The following EXD2 variants were observed in gnomAD, a reference collection of about 807,000 sequenced individuals.
EXD2 encodes the protein exonuclease 3'-5' domain containing 2.
Under a neutral mutation model 62.5 loss-of-function variants are expected in EXD2, and 40 were observed. That is an observed-to-expected ratio of 0.64 (90% confidence interval 0.50 to 0.83). EXD2 has a LOEUF of 0.83. EXD2 is among the 40% of genes least tolerant of loss of function. The pLI is 0.00. For synonymous variants in EXD2, 239 were observed against 291.9 expected, an observed-to-expected ratio of 0.82 and a Z score of 1.85; for missense variants, 671 against 761.8, an observed-to-expected ratio of 0.88 and a Z score of 1.40.
rs1381878841 is a variant in EXD2 at position 69,241,141 on chromosome 14, G to T, written c.*41G>T. 1 of 1,577,216 alleles carries T rather than the reference G, an allele frequency of 6.3e-7. No homozygotes were observed. The highest frequency in any genetic ancestry group is 8.7e-7 in the Non-Finnish European group (1 of 1,155,302). On this transcript the variant is annotated 3_prime_UTR_variant, in exon 10 of 10. Coordinates refer to ENST00000685843, the MANE Select transcript of EXD2 (RefSeq NM_001193360.2). ...CAGTTAGGACAAGTGGGAAGCTGGAGCCAAGGTTGAAGAGTCACCTCTTCC... is the reference window on the plus strand; with the variant it reads ...CAGTTAGGACAAGTGGGAAGCTGGATCCAAGGTTGAAGAGTCACCTCTTCC...
In EXD2 at chr14:69,209,505, C is replaced by T. The variant is rs1158280327; in HGVS notation, c.35C>T (p.Thr12Ile). The T allele has an allele frequency of 1.3e-6, 2 of 1,547,626 alleles. No homozygotes were observed. The highest frequency in any genetic ancestry group is 2.7e-5 in the African/African-American group (2 of 73,054). ...CAGAACTTAGTGGCTTTGACAGTGA[C>T]TACCCTTCTGGGTGTGGCTGTAGGG... ...SRQNLVALTV[T>I]TLLGVAVGGF... The change falls in exon 3 of 10, where the codon ACT (threonine) becomes ATT (isoleucine). Residue 12 changes from threonine to isoleucine, a missense_variant. Physicochemically the swap from Thr to Ile is moderately conservative, Grantham distance 89. Transcript: ENST00000685843.
chr14:69,224,973 CA>C (rs935037310), intron 3 of EXD2, among the ~76,000 whole-genome samples: 1 of 151,012 alleles, frequency 6.6e-6, no homozygotes, highest in Non-Finnish European at 1.5e-5. Flanking sequence ...GACTCCGTCT[CA>C]AAAAAAAAGA....
intron 1 of EXD2, among the ~76,000 whole-genome samples, chr14:69,198,282 T>G (rs749135218): frequency 6.6e-6 from 1 of 152,246 alleles, no homozygotes; most frequent in African/African-American, 2.4e-5. Context: ...TTGTTGTTTT[T>G]CCAGGTGGTT....
chr14:69,231,217 T>A (rs555418553), intron 5 of EXD2, among the ~76,000 whole-genome samples: 1 of 152,208 alleles, frequency 6.6e-6, no homozygotes, highest in Non-Finnish European at 1.5e-5. Context: ...AGTAAGTAGT[T>A]CCCTGCATTA....
intron 8 of EXD2, 75 bp from the exon 9 acceptor site, chr14:69,237,500 G>A: frequency 7.8e-6 from 11 of 1,402,002 alleles, no homozygotes; most frequent in Non-Finnish European, 1.1e-5. Flanking sequence ...TAGAACCCCA[G>A]TAGCCTGTCT....
chr14:69,223,833 T>C (rs1327495651), intron 3 of EXD2, among the ~76,000 whole-genome samples: 1 of 152,206 alleles, frequency 6.6e-6, no homozygotes, highest in Non-Finnish European at 1.5e-5. Flanking sequence ...AGACCCAGTG[T>C]ATTAGTCCAT....
chr14:69,229,554 C>T (rs1366970624), intron 4 of EXD2, among the ~76,000 whole-genome samples: 3 of 152,144 alleles, frequency 2.0e-5, no homozygotes, highest in African/African-American at 7.2e-5. Context: ...CCAGAGTCCC[C>T]ACCACTCCCA....
rs71102635 is a variant in EXD2 at position 69,212,699 on chromosome 14, A to ATTTTTT, written c.333+2917_333+2922dup. ...TGTCACTTGGTTCCAATGGTTCTTG[A>ATTTTTT]TTTTTTTTTTTTTTTTTTTTTTTTT... On this transcript the variant is annotated intron_variant, in intron 3 of 9. Coordinates refer to ENST00000685843, the MANE Select transcript of EXD2 (RefSeq NM_001193360.2). Among the ~76,000 whole-genome samples the ATTTTTT allele has an allele frequency of 8.4e-4, 48 of 57,310 alleles. 2 individuals carry two copies. Among genetic ancestry groups the ATTTTTT allele is most frequent in the Middle Eastern group, 0.01 (1 of 96 alleles). The allele number at this position is 57,310 out of a possible 152,430, so 37.6% of individuals were successfully genotyped here.
rs746653694 is a variant in EXD2, at chr14:69,213,537, A to ATTTTTTTTTT, written c.333+3745_333+3754dup. ...AGGCATGTGCCACTGCACCTGGATA[A>ATTTTTTTTTT]TTTTTTTTTTTTTTTTTTTTGTAGA... On this transcript the variant is annotated intron_variant, in intron 3 of 9. Coordinates refer to ENST00000685843, the MANE Select transcript of EXD2 (RefSeq NM_001193360.2). Among the ~76,000 whole-genome samples, 402 of 76,396 alleles carry ATTTTTTTTTT rather than the reference A, an allele frequency of 5.3e-3. 11 individuals carry two copies. The highest frequency in any genetic ancestry group is 0.017 in the East Asian group (30 of 1,808). The allele number at this position is 76,396 out of a possible 152,430, so 50.1% of individuals were successfully genotyped here. A position where few individuals can be genotyped will look rare whatever the true frequency, so the allele number is the denominator to read the frequency against.
chr14:69,240,506 G>C (rs2043945340), intron 9 of EXD2, among the ~76,000 whole-genome samples: 1 of 152,158 alleles, frequency 6.6e-6, no homozygotes, highest in Non-Finnish European at 1.5e-5. Flanking sequence ...TATAAATACT[G>C]TGTCCCAGAA....
At position 69,210,019 on chromosome 14, in the gene EXD2, A is replaced by G. The variant is rs562534959; in HGVS notation, c.333+216A>G. 4.4e-5 allele frequency: 18 copies of G among 407,696 alleles called. No homozygotes were observed. In the South Asian group the frequency reaches 9.8e-4, roughly 22 times the overall value. The allele number at this position is 407,696 out of a possible 1,614,324, so 25.3% of individuals were successfully genotyped here. ...TATGGATTACAATTATGTCAAACCT[A>G]TATGAATTGTATTTTCCCCACTTAT... On this transcript the variant is annotated intron_variant, in intron 3 of 9. Coordinates refer to ENST00000685843, the MANE Select transcript of EXD2 (RefSeq NM_001193360.2).
chr14:69,231,833 A>G (rs1469065550), intron 5 of EXD2, among the ~76,000 whole-genome samples: 1 of 150,740 alleles, frequency 6.6e-6, no homozygotes, highest in Non-Finnish European at 1.5e-5. Flanking sequence ...CTGTTTTTTA[A>G]ATTCCATGTC....
intron 3 of EXD2, among the ~76,000 whole-genome samples, chr14:69,217,198 A>G (rs1237546850): frequency 6.6e-6 from 1 of 152,152 alleles, no homozygotes; most frequent in Non-Finnish European, 1.5e-5. Context: ...GACTATAGGC[A>G]CACACTACCA....
At chr14:69,200,381 TATTGTC>T (rs2042354208) in intron 1 of EXD2, among the ~76,000 whole-genome samples, 1 of 152,082 alleles carries the variant, frequency 6.6e-6, no homozygotes, top group Non-Finnish European at 1.5e-5. Context: ...TGAATGTACT[TATTGTC>T]ATTGAATTGT....
chr14:69,216,844 G>C (rs1420810164), intron 3 of EXD2, among the ~76,000 whole-genome samples: 3 of 151,934 alleles, frequency 2.0e-5, no homozygotes, highest in African/African-American at 7.3e-5. Context: ...TTAATGATGA[G>C]AACACTTAAC....
intron 1 of EXD2, among the ~76,000 whole-genome samples, chr14:69,194,550 T>G (rs187668243): frequency 1.3e-5 from 2 of 152,294 alleles, no homozygotes; most frequent in Admixed American, 1.3e-4. Context: ...TTTTGCTATG[T>G]TGTTCAGGCT....
chr14:69,220,982 T>C (rs1354289259), intron 3 of EXD2, among the ~76,000 whole-genome samples: 8 of 152,320 alleles, frequency 5.3e-5, no homozygotes, highest in Middle Eastern at 3.4e-3. Context: ...TCCTCCCACC[T>C]CAGCCTCCCA....
intron 5 of EXD2, among the ~76,000 whole-genome samples, chr14:69,233,167 G>C (rs901604928): frequency 1.3e-5 from 2 of 152,112 alleles, no homozygotes; most frequent in Non-Finnish European, 2.9e-5. Flanking sequence ...GAACTCTAAA[G>C]TCTTCTCATT....
At chr14:69,207,937 C>T (rs1017583919) in intron 2 of EXD2, among the ~76,000 whole-genome samples, 1 of 149,944 alleles carries the variant, frequency 6.7e-6, no homozygotes, top group South Asian at 2.1e-4. Flanking sequence ...TTACTCTTAT[C>T]ACCCAGGCTG....
Sources: allele counts gnomAD v4.1 joint callset (sites outside exome capture counted in the v4.1 genomes callset), GRCh38; gene constraint gnomAD v4.1.1; transcripts MANE v1.5; gene names NCBI Gene and HGNC (gene_info 2026-07-23, HGNC 2026-07-21).